The following CSMD1 variants were observed in gnomAD, a reference collection of about 807,000 sequenced individuals.
CSMD1 encodes the protein CUB and Sushi multiple domains 1, also known as CUB and sushi domain-containing protein 1.
In CSMD1, 213 loss-of-function variants were observed where a neutral mutation model predicts 417.5. The observed-to-expected ratio is 0.51, with a 90% CI of 0.46 to 0.57. The LOEUF is 0.57. Ranked by LOEUF, CSMD1 falls within the 20% of genes least tolerant of loss-of-function variation. The pLI is 0.00. For missense variants in CSMD1, 6,923 were observed against 4,529.7 expected, an observed-to-expected ratio of 1.53 and a Z score of -15.17; for synonymous variants, 2,862 against 1,736.8, an observed-to-expected ratio of 1.65 and a Z score of -16.11.
At chr8:4,792,218 G>C (rs564447914) in intron 1 of CSMD1, among the ~76,000 whole-genome samples, 1 of 152,170 alleles carries the variant, frequency 6.6e-6, no homozygotes, top group East Asian at 1.9e-4. Context: ...CACAAAAGTA[G>C]AGATTAAATG....
chr8:4,662,002 T>C (rs887853222), intron 1 of CSMD1, among the ~76,000 whole-genome samples: 1 of 152,190 alleles, frequency 6.6e-6, no homozygotes, highest in African/African-American at 2.4e-5. Flanking sequence ...CTATTAGCAA[T>C]GTTTGATGAA....
Position 3,572,900 on chromosome 8 carries a change from T to C in CSMD1, c.1344+2045A>G, listed in dbSNP as rs568267295. ...CTTCAGAACTTTTCTAAATTCTCAA[T>C]ATCATATGATTTTCTGGAGACCAAA... On this transcript the variant is annotated intron_variant, in intron 10 of 69. Transcript: ENST00000635120. Among the ~76,000 whole-genome samples the C allele has an allele frequency of 8.5e-4, 130 of 152,322 alleles. No homozygotes were observed. The South Asian group carries it at 0.011, about 13-fold the overall frequency.
chr8:3,815,811 A>G (rs1801338575), intron 5 of CSMD1, among the ~76,000 whole-genome samples: 1 of 152,168 alleles, frequency 6.6e-6, no homozygotes. Context: ...GGGCCTAGAA[A>G]GTCTAAATTC....
intron 3 of CSMD1, among the ~76,000 whole-genome samples, chr8:4,083,726 G>C (rs1006378210): frequency 2.0e-5 from 3 of 152,140 alleles, no homozygotes; most frequent in East Asian, 1.9e-4. Context: ...TAGACCTAAA[G>C]CCATAAAAAC....
At chr8:3,916,373 G>C (rs934810799) in intron 5 of CSMD1, among the ~76,000 whole-genome samples, 7 of 152,070 alleles carry the variant, frequency 4.6e-5, no homozygotes, top group African/African-American at 1.4e-4. Flanking sequence ...TCTGTACATA[G>C]GAGGTAATTC....
At chr8:4,886,481 G>C (rs1183632959) in intron 1 of CSMD1, among the ~76,000 whole-genome samples, 2 of 151,848 alleles carry the variant, frequency 1.3e-5, no homozygotes, top group South Asian at 2.1e-4. Flanking sequence ...TGTCTTTTTA[G>C]TTTATTGGCA....
intron 1 of CSMD1, among the ~76,000 whole-genome samples, chr8:4,873,920 G>C (rs1186268222): frequency 6.6e-6 from 1 of 152,014 alleles, no homozygotes; most frequent in Non-Finnish European, 1.5e-5. Flanking sequence ...AAGGAAAGAA[G>C]GAAGTATGGA....
intron 11 of CSMD1, among the ~76,000 whole-genome samples, chr8:3,491,074 A>T (rs771989475): frequency 3.9e-5 from 6 of 152,184 alleles, no homozygotes; most frequent in Non-Finnish European, 8.8e-5. Flanking sequence ...ATAGCAAAAA[A>T]GTATGCCAAT....
chr8:3,661,992 T>C (rs944276232), intron 7 of CSMD1, among the ~76,000 whole-genome samples: 1 of 152,050 alleles, frequency 6.6e-6, no homozygotes, highest in Non-Finnish European at 1.5e-5. Flanking sequence ...AGAGAGGAGC[T>C]ACGCAGACCT....
chr8:2,953,936 A>G (rs146993579), intron 65 of CSMD1, among the ~76,000 whole-genome samples: 135 of 152,380 alleles, frequency 8.9e-4, no homozygotes, highest in African/African-American at 2.8e-3. Flanking sequence ...GGAACGACCA[A>G]TGTTTTCATT....
chr8:4,813,597 G>T (rs996692844), intron 1 of CSMD1, among the ~76,000 whole-genome samples: 13 of 152,096 alleles, frequency 8.5e-5, no homozygotes, highest in African/African-American at 1.2e-4. Context: ...CAAATCTCTG[G>T]CAAACATCTT....
chr8:3,191,056 G>A (rs149833530), intron 33 of CSMD1, among the ~76,000 whole-genome samples: 37 of 152,314 alleles, frequency 2.4e-4, no homozygotes, highest in African/African-American at 7.9e-4. Flanking sequence ...CTACAGCACT[G>A]TGTTTATAGT....
chr8:3,968,329 G>C (rs895373560), intron 5 of CSMD1, among the ~76,000 whole-genome samples: 1 of 152,106 alleles, frequency 6.6e-6, no homozygotes, highest in Admixed American at 6.6e-5. Flanking sequence ...CCTGGACAGA[G>C]GGCTATAATC....
intron 1 of CSMD1, among the ~76,000 whole-genome samples, chr8:4,812,720 A>G (rs1289711318): frequency 1.3e-5 from 2 of 152,232 alleles, no homozygotes; most frequent in African/African-American, 2.4e-5. Flanking sequence ...ATACTATTAA[A>G]AGAAATTGCC....
At chr8:4,944,920 C>G (rs948286706) in intron 1 of CSMD1, among the ~76,000 whole-genome samples, 3 of 152,006 alleles carry the variant, frequency 2.0e-5, no homozygotes, top group African/African-American at 7.2e-5. Flanking sequence ...TCAAAACAGT[C>G]GACATCAGGG....
intron 5 of CSMD1, among the ~76,000 whole-genome samples, chr8:3,764,216 T>G (rs1407512708): frequency 1.3e-5 from 2 of 152,212 alleles, no homozygotes; most frequent in Non-Finnish European, 2.9e-5. Context: ...AAGTCACATG[T>G]GTTCCACCTG....
At chr8:3,324,205 A>T (rs1406124560) in intron 23 of CSMD1, among the ~76,000 whole-genome samples, 1 of 127,194 alleles carries the variant, frequency 7.9e-6, no homozygotes, top group Non-Finnish European at 1.6e-5. Context: ...TTGTTAAAAT[A>T]GACACACACC....
chr8:4,201,428 C>A (rs192713866), intron 3 of CSMD1, among the ~76,000 whole-genome samples: 4 of 151,728 alleles, frequency 2.6e-5, no homozygotes, highest in African/African-American at 9.7e-5. Flanking sequence ...GTCCCAGCTA[C>A]TCAGGAGGCT....
At chr8:4,440,747 G>A (rs1798419914) in intron 2 of CSMD1, among the ~76,000 whole-genome samples, 1 of 152,054 alleles carries the variant, frequency 6.6e-6, no homozygotes. Context: ...TATAATCCCA[G>A]CATTTTGGGA....
Sources: gnomAD v4.1 joint callset for allele counts (sites outside exome capture counted in the v4.1 genomes callset) on GRCh38, gnomAD v4.1.1 for gene constraint, MANE v1.5 for transcripts, NCBI Gene and HGNC (gene_info 2026-07-23, HGNC 2026-07-21) for gene names.